The following TTN variants were observed in gnomAD, a reference collection of about 807,000 sequenced individuals.
TTN encodes the protein titin.
Under a neutral mutation model 3,223.0 loss-of-function variants are expected in TTN, and 1,525 were observed. The ratio of observed to expected loss-of-function variants is 0.47; its 90% CI spans 0.45 to 0.49. The LOEUF (loss-of-function observed/expected upper bound fraction) is 0.49, where lower values mean the gene tolerates loss of function less well. Among genes scored for constraint, TTN ranks in the 20% least tolerant of loss-of-function variants. The pLI, the probability that TTN is intolerant of heterozygous loss-of-function variation, is 0.00. For synonymous variants in TTN, 14,094 were observed against 15,161.0 expected (o/e 0.93, Z 5.17); for missense variants, 40,786 against 43,424.0 (o/e 0.94, Z 5.40).
chr2:178,802,070 C>T, intron 3 of TTN, 68 bp downstream of exon 3: 1 of 1,598,970 alleles, frequency 6.3e-7, no homozygotes, highest in Non-Finnish European at 8.6e-7. Flanking sequence ...TTTTTCTGGA[C>T]TCCTTTCCCA....
In TTN at chr2:178,551,879, T is replaced by C; in HGVS notation, c.91021A>G (p.Met30341Val). Residue 30341 changes from methionine to valine, a missense_variant, in exon 335 of 363, where the codon ATG (methionine) becomes GTG (valine). By Grantham distance (21) the Met-to-Val change is conservative. Coordinates refer to ENST00000589042, the MANE Select transcript of TTN (RefSeq NM_001267550.2). ...PVIYNVTSDG[M>V]SLTWDAPVYD... is the part of the protein sequence containing the mutation. ...ACTGGAGCATCCCAAGTTAGTGACA[T>C]GCCATCAGAAGTCACATTGTATATA... The C allele has an allele frequency of 6.2e-7, 1 of 1,613,898 alleles. No homozygotes were observed. The highest frequency in any genetic ancestry group is 8.5e-7 in the Non-Finnish European group (1 of 1,179,798).
In TTN at chr2:178,598,856, C is replaced by T. The variant is rs766126662; in HGVS notation, c.56854G>A (p.Gly18952Ser). 4.3e-6 allele frequency: 7 copies of T among 1,613,244 alleles called. No individual in the cohort carries two copies. The Admixed American group carries it at 1.2e-4, about 27-fold the overall frequency. ...MTLGVSYKVT[G>S]LIEGSDYQFR... The stretch of plus-strand genomic sequence containing the variant: ...TGATAGTCGGAACCTTCAATAAGAC[C>T]AGTCACTTTATAAGAAACACCCAAA... Residue 18952 changes from glycine to serine, a missense_variant, in exon 291 of 363, where the codon GGT becomes AGT. Gly to Ser is a moderately conservative substitution (Grantham distance 56). Transcript: ENST00000589042.
At position 178,767,899 on chromosome 2, in the gene TTN, C is replaced by T. The variant is rs2090778418; in HGVS notation, c.9331G>A (p.Val3111Ile). Residue 3111 changes from valine (V) to isoleucine (I), a missense_variant, in exon 40 of 363, where the codon GTC becomes ATC. Coordinates refer to ENST00000589042, the MANE Select transcript of TTN (RefSeq NM_001267550.2). ...GTGGATGGGATCAGAAGGCGGTGGA[C>T]ATATTTCTCCTTCTGAATCTTTATT... is the stretch of plus-strand genomic sequence containing the variant. ...DRIKIQKEKY[V>I]HRLLIPSTRM... The T allele has an allele frequency of 1.2e-6, 2 of 1,614,086 alleles. No individual in the cohort carries two copies. Among genetic ancestry groups the T allele is most frequent in the East Asian group, 4.5e-5 (2 of 44,840 alleles).
rs2154268825 is a variant in TTN, at chr2:178,677,926, A to G, written c.33995-9T>C. 6.3e-7 allele frequency: 1 copy of G among 1,584,262 alleles called. No homozygotes were observed. The highest frequency in any genetic ancestry group is 8.5e-7 in the Non-Finnish European group (1 of 1,169,728). On this transcript the variant is annotated splice_polypyrimidine_tract_variant and intron_variant, in intron 145 of 362. Coordinates refer to ENST00000589042, the MANE Select transcript of TTN (RefSeq NM_001267550.2). ...TTCACGTTTCTTTGGCACTTTAAAG[A>G]TATTTATTCAAGGGTACAAACATCA...
intron 330 of TTN, 146 bp downstream of exon 330, chr2:178,556,702 C>T: frequency 1.1e-6 from 1 of 935,474 alleles, no homozygotes; most frequent in Non-Finnish European, 1.6e-6. Flanking sequence ...GAATTTTCCT[C>T]AGACTCCCAG....
At position 178,614,016 on chromosome 2, in the gene TTN, A is replaced by G. The variant is rs548074973; in HGVS notation, c.49345+36T>C. 3.1e-6 allele frequency: 5 copies of G among 1,609,186 alleles called. No homozygotes were observed. The South Asian group carries it at 5.5e-5, about 18-fold the overall frequency. On this transcript the variant is annotated intron_variant, in intron 262 of 362. Transcript: ENST00000589042. The stretch of plus-strand genomic sequence containing the variant: ...ACCAAAATGCAAGTTTGACATAAGC[A>G]TCCTTTTTTTTTTATCAGCTGATTG...
chr2:178,756,077 C>A, intron 46 of TTN, 145 bp downstream of exon 46: 1 of 633,764 alleles, frequency 1.6e-6, no homozygotes, highest in South Asian at 2.4e-5. Context: ...AATGACTTGG[C>A]TGACTTTCAG....
chr2:178,646,685 AT>A, intron 215 of TTN, 126 bp from the exon 216 acceptor site: 1 of 580,048 alleles, frequency 1.7e-6, no homozygotes, highest in Non-Finnish European at 3.0e-6. Context: ...ATACAAATTC[AT>A]GTATAGAAAA....
At position 178,539,271 on chromosome 2, in the gene TTN, G is replaced by C. The variant is rs1390421849; in HGVS notation, c.98684-20C>G. On this transcript the variant is annotated intron_variant, in intron 352 of 362. Transcript: ENST00000589042. ...GAGGATCTGTAAATATAAGTGGAAAGCACACATGTATTAGAATACAGTCCC... is the reference window on the plus strand; with the variant it reads ...GAGGATCTGTAAATATAAGTGGAAACCACACATGTATTAGAATACAGTCCC... The C allele has an allele frequency of 6.2e-7, 1 of 1,609,674 alleles. No homozygotes were observed. Among genetic ancestry groups the C allele is most frequent in the Non-Finnish European group, 8.5e-7 (1 of 1,176,950 alleles).
At position 178,570,101 on chromosome 2, in the gene TTN, C is replaced by A. The variant is rs556179271; in HGVS notation, c.76031G>T (p.Arg25344Leu). The A allele has an allele frequency of 3.7e-6, 6 of 1,613,406 alleles. No homozygotes were observed. Among genetic ancestry groups the A allele is most frequent in the Non-Finnish European group, 5.1e-6 (6 of 1,179,580 alleles). ...SEILGYVLEK[R>L]DKEGIRWTRC... ...TGTCCATCTAATGCCTTCTTTATCC[C>A]GTTTCTCAAGAACATATCCAAGAAT... The change falls in exon 326 of 363, where the codon CGG (arginine) becomes CTG (leucine). Residue 25344 changes from arginine (R) to leucine (L), a missense_variant. Arg to Leu is a moderately radical substitution (Grantham distance 102, BLOSUM62 -2). Transcript: ENST00000589042.
intron 47 of TTN, chr2:178,749,370 T>C (rs773520394): frequency 1.9e-6 from 3 of 1,613,050 alleles, no homozygotes; most frequent in African/African-American, 1.3e-5. Context: ...CTGATTTTTA[T>C]GGTTCTTGAA....
In TTN at chr2:178,591,731, C is replaced by G. The variant is rs775292311; in HGVS notation, c.60088G>C (p.Val20030Leu). 6.2e-7 allele frequency: 1 copy of G among 1,613,338 alleles called. No individual in the cohort carries two copies. The highest frequency in any genetic ancestry group is 8.5e-7 in the Non-Finnish European group (1 of 1,179,548). The change falls in exon 303 of 363, where the codon GTG (valine) becomes CTG (leucine). Residue 20030 changes from valine (V) to leucine (L), a missense_variant. Val to Leu is a conservative substitution (Grantham distance 32, BLOSUM62 1). Coordinates refer to ENST00000589042, the MANE Select transcript of TTN (RefSeq NM_001267550.2). Reference sequence around the variant, plus strand: ...GTAACCACACACTCTAAGTTTGTCACAGTCTTAAATTTAATCCAGTCCTGG... The same window carrying G: ...GTAACCACACACTCTAAGTTTGTCAGAGTCTTAAATTTAATCCAGTCCTGG... ...GTQDWIKFKT[V>L]TNLECVVTGL...
intron 263 of TTN, 107 bp downstream of exon 263, chr2:178,613,643 TA>T: frequency 8.4e-7 from 1 of 1,189,240 alleles, no homozygotes; most frequent in Non-Finnish European, 1.1e-6. Flanking sequence ...AAAAGTAGTT[TA>T]AAATTTTTTT....
chr2:178,530,152 A>G lies in TTN; in HGVS notation c.106375-36T>C, dbSNP rs773852601. The G allele has an allele frequency of 1.7e-5, 27 of 1,567,742 alleles. No homozygotes were observed. In the South Asian group the frequency reaches 3.1e-4, roughly 18 times the overall value. On this transcript the variant is annotated intron_variant, in intron 358 of 362. Transcript: ENST00000589042. ...CAAATGATTTGTGTTTTAAAAAGTG[A>G]TTTCATTTTAAGCTTTTTTTGGGAA... is the stretch of plus-strand genomic sequence containing the variant.
chr2:178,580,863 T>C (rs1282704019), intron 316 of TTN: 1 of 452,634 alleles, frequency 2.2e-6, no homozygotes, highest in Admixed American at 4.2e-5. Context: ...ATGAGCCTTA[T>C]GTACTCTGAA....
In TTN at chr2:178,633,373, G is replaced by C. The variant is rs528135582; in HGVS notation, c.42946+40C>G. 2.5e-6 allele frequency: 4 copies of C among 1,613,042 alleles called. No homozygotes were observed. In the East Asian group the frequency reaches 6.7e-5, roughly 27 times the overall value. On this transcript the variant is annotated intron_variant, in intron 232 of 362. Coordinates refer to ENST00000589042, the MANE Select transcript of TTN (RefSeq NM_001267550.2). ...AGCATGACTGAACTAATAAACTGCA[G>C]ATTCAGATAGGGTAAATTTTACATT...
rs763227305 is a variant in TTN, at chr2:178,568,590, C to T, written c.77542G>A (p.Asp25848Asn). The change falls in exon 326 of 363, where the codon GAT becomes AAT. Residue 25848 changes from aspartate to asparagine, a missense_variant. Asp to Asn is a conservative substitution (Grantham distance 23). Transcript: ENST00000589042. ...CTGAGTGTGGTGAGATCCAGTGAAT[C>T]GGTAACATTGATTCTTGTGGTCTGC... is the stretch of plus-strand genomic sequence containing the variant. ...LKQTTRINVTDSLDLTTLSIK... is the reference protein window; with the variant it reads ...LKQTTRINVTNSLDLTTLSIK... The T allele has an allele frequency of 2.4e-5, 38 of 1,613,240 alleles. No homozygotes were observed. Among genetic ancestry groups the T allele is most frequent in the Admixed American group, 3.3e-5 (2 of 59,952 alleles).
chr2:178,753,367 G>A (rs891987732), intron 46 of TTN, 187 bp from the exon 47 acceptor site: 2 of 487,394 alleles, frequency 4.1e-6, no homozygotes, highest in Admixed American at 3.7e-5. Context: ...AATGTTGACA[G>A]AAAGATTTAA....
rs1476712853 is a variant in TTN at position 178,709,590 on chromosome 2, A to C, written c.28729T>G (p.Cys9577Gly). The C allele has an allele frequency of 1.2e-6, 2 of 1,612,596 alleles. No homozygotes were observed. The highest frequency in any genetic ancestry group is 8.5e-7 in the Non-Finnish European group (1 of 1,178,818). Residue 9577 changes from cysteine to glycine, a missense_variant, in exon 99 of 363, where the codon TGC (cysteine) becomes GGC (glycine). Cys to Gly is a radical substitution (Grantham distance 159, BLOSUM62 -3). Transcript: ENST00000589042. ...KVSNDAGSAL[C>G]TSSIVIKEPK... ...CCTTTGATGACGATTGAAGACGTGC[A>C]CAGAGCAGAGCCTGCATCATTGGAC...
Sources: allele counts gnomAD v4.1 joint callset, GRCh38; gene constraint gnomAD v4.1.1; transcripts MANE v1.5; gene names NCBI Gene and HGNC (gene_info 2026-07-23, HGNC 2026-07-21).